PRRC2C: variants seen among roughly 807,000 people sequenced by gnomAD.
The protein encoded by PRRC2C is protein PRRC2C.
Under a neutral mutation model 317.2 loss-of-function variants are expected in PRRC2C, and 72 were observed. That is an observed-to-expected ratio of 0.23 (90% CI 0.19 to 0.28). The LOEUF (loss-of-function observed/expected upper bound fraction) is 0.28. PRRC2C is among the 10% of genes least tolerant of loss of function. The pLI, the probability that PRRC2C is intolerant of heterozygous loss-of-function variation, is 1.00. For missense variants in PRRC2C, 3,074 were observed against 3,459.7 expected (o/e 0.89, Z 2.80); for synonymous variants, 1,296 against 1,205.9 (o/e 1.07, Z -1.55).
intron 34 of PRRC2C, 184 bp from the exon 35 acceptor site, chr1:171,591,403 T>TAAAA: frequency 7.4e-6 from 3 of 404,266 alleles, no homozygotes; most frequent in Non-Finnish European, 1.2e-5. Context: ...TCACATGAAA[T>TAAAA]ATTTCAAAAA....
intron 24 of PRRC2C, 75 bp downstream of exon 24, chr1:171,571,496 G>T (rs919918243): frequency 3.7e-6 from 4 of 1,093,062 alleles, no homozygotes; most frequent in Admixed American, 1.9e-5. Flanking sequence ...TATTCGTGGG[G>T]TATTTTTACT....
In PRRC2C at chr1:171,579,886, A is replaced by G; in HGVS notation, c.7331A>G (p.Gln2444Arg). The change falls in exon 28 of 35, where the codon CAA becomes CGA. Residue 2444 changes from glutamine (Q) to arginine (R), a missense_variant. Coordinates refer to ENST00000647382, the MANE Select transcript of PRRC2C (RefSeq NM_001387844.1). ...TATGCACCACTGCAAGGGCAGCATCAAGCCCAACTGAGTTTGGGGGCTGGC... is the reference window on the plus strand; with the variant it reads ...TATGCACCACTGCAAGGGCAGCATCGAGCCCAACTGAGTTTGGGGGCTGGC... ...PIYAPLQGQH[Q>R]AQLSLGAGPA... 1 of 1,597,358 alleles carries G rather than the reference A, an allele frequency of 6.3e-7. No individual in the cohort carries two copies. The highest frequency in any genetic ancestry group is 8.5e-7 in the Non-Finnish European group (1 of 1,173,732).
chr1:171,518,048 G>C (rs1672709697), intron 6 of PRRC2C, among the ~76,000 whole-genome samples: 1 of 152,170 alleles, frequency 6.6e-6, no homozygotes, highest in Admixed American at 6.5e-5. Flanking sequence ...GTGTTTCTTA[G>C]CAGAAACACC....
At chr1:171,506,407 G>A (rs571631420) in intron 1 of PRRC2C, among the ~76,000 whole-genome samples, 1 of 152,214 alleles carries the variant, frequency 6.6e-6, no homozygotes, top group Admixed American at 6.5e-5. Flanking sequence ...CTTTGATTAT[G>A]ATGGGCTTTG....
intron 14 of PRRC2C, among the ~76,000 whole-genome samples, 195 bp from the exon 15 acceptor site, chr1:171,537,068 T>G (rs917251715): frequency 1.3e-5 from 2 of 152,192 alleles, no homozygotes; most frequent in African/African-American, 2.4e-5. Context: ...AATTTTTATT[T>G]AACAGCAGTA....
chr1:171,555,597 T>A (rs746778688), intron 18 of PRRC2C, among the ~76,000 whole-genome samples: 7 of 152,248 alleles, frequency 4.6e-5, no homozygotes, highest in Admixed American at 2.6e-4. Flanking sequence ...CCCAGCTTTG[T>A]GGTTTTATTT....
intron 16 of PRRC2C, 70 bp from the exon 17 acceptor site, chr1:171,545,409 T>C: frequency 7.7e-7 from 1 of 1,302,952 alleles, no homozygotes. Context: ...CTTTAGAAAC[T>C]GCCAATAAGA....
intron 32 of PRRC2C, 73 bp from the exon 33 acceptor site, chr1:171,588,306 C>T (rs937465581): frequency 1.4e-5 from 21 of 1,495,176 alleles, no homozygotes; most frequent in African/African-American, 7.1e-5. Flanking sequence ...ATACCAAGAA[C>T]GGTGTTTGCA....
intron 34 of PRRC2C, among the ~76,000 whole-genome samples, chr1:171,590,967 G>T (rs1165826910): frequency 6.6e-6 from 1 of 152,158 alleles, no homozygotes; most frequent in Non-Finnish European, 1.5e-5. Flanking sequence ...AAGAAGGATG[G>T]AAACTTAAGT....
At chr1:171,494,109 A>G (rs1219881733) in intron 1 of PRRC2C, among the ~76,000 whole-genome samples, 1 of 152,246 alleles carries the variant, frequency 6.6e-6, no homozygotes, top group East Asian at 1.9e-4. Flanking sequence ...AACAATTTTA[A>G]AATACATAAG....
intron 6 of PRRC2C, among the ~76,000 whole-genome samples, chr1:171,520,617 T>C (rs1183685685): frequency 2.6e-5 from 4 of 152,176 alleles, no homozygotes; most frequent in Non-Finnish European, 5.9e-5. Context: ...AGATGAAGGA[T>C]TTAATGCAAC....
intron 12 of PRRC2C, among the ~76,000 whole-genome samples, chr1:171,533,824 A>G (rs537976021): frequency 1.3e-5 from 2 of 152,158 alleles, no homozygotes; most frequent in South Asian, 2.1e-4. Context: ...GGGTTTCACT[A>G]TGTTGGCTAG....
At chr1:171,518,080 T>G (rs765846378) in intron 6 of PRRC2C, among the ~76,000 whole-genome samples, 22 of 152,224 alleles carry the variant, frequency 1.4e-4, no homozygotes, top group Non-Finnish European at 2.9e-4. Context: ...TTTGGTTAAG[T>G]GTAGTTGTAC....
intron 24 of PRRC2C, among the ~76,000 whole-genome samples, chr1:171,573,830 C>T (rs1685226302): frequency 6.6e-6 from 1 of 151,686 alleles, no homozygotes; most frequent in Non-Finnish European, 1.5e-5. Flanking sequence ...AGGCGCACAC[C>T]ACGCCCGGCT....
intron 24 of PRRC2C, among the ~76,000 whole-genome samples, chr1:171,573,187 T>G (rs1041990364): frequency 1.3e-5 from 2 of 152,176 alleles, no homozygotes; most frequent in Non-Finnish European, 2.9e-5. Flanking sequence ...TGGACATCAT[T>G]GACAAAATAT....
chr1:171,514,666 G>A lies in PRRC2C; in HGVS notation c.400+21G>A, dbSNP rs141300797. On this transcript the variant is annotated intron_variant, in intron 4 of 34. Transcript: ENST00000647382. ...AGATGGTAAGTGGACATTAGTTGGG[G>A]AAGCTGCCTAGGCTTGATAGTTACT... is the stretch of plus-strand genomic sequence containing the variant. 3,667 of 1,542,524 alleles carry A rather than the reference G, an allele frequency of 2.4e-3. 15 individuals are homozygous for A. The highest frequency in any genetic ancestry group is 6.5e-3 in the Middle Eastern group (39 of 5,970).
At position 171,588,389 on chromosome 1, in the gene PRRC2C, A is replaced by G; in HGVS notation, c.8083A>G (p.Thr2695Ala). The change falls in exon 33 of 35, where the codon ACA becomes GCA. Residue 2695 changes from threonine to alanine, a missense_variant. Physicochemically the swap from Thr to Ala is moderately conservative, Grantham distance 58 (BLOSUM62 0). Coordinates refer to ENST00000647382, the MANE Select transcript of PRRC2C (RefSeq NM_001387844.1). ...TGGCTTCTTTCCAAGGGCTACTTCT[A>G]CAAGTCCGAACAGCCAGTCCAGCAA... ...PTSSPFRATS[T>A]SPNSQSSKMN... 1 of 1,613,710 alleles carries G rather than the reference A, an allele frequency of 6.2e-7. No homozygotes were observed. Among genetic ancestry groups the G allele is most frequent in the Non-Finnish European group, 8.5e-7 (1 of 1,179,736 alleles).
intron 30 of PRRC2C, among the ~76,000 whole-genome samples, chr1:171,586,022 GA>G (rs1649829397): frequency 6.8e-6 from 1 of 147,280 alleles, no homozygotes; most frequent in Non-Finnish European, 1.5e-5. Context: ...CAGAAGTTCT[GA>G]CCTCACTTCG....
intron 15 of PRRC2C, 32 bp from the exon 16 acceptor site, chr1:171,539,939 T>C: frequency 6.5e-7 from 1 of 1,530,072 alleles, no homozygotes; most frequent in Non-Finnish European, 8.8e-7. Flanking sequence ...GATTGCTTTG[T>C]TGATTATACC....
Sources: allele counts gnomAD v4.1 joint callset (sites outside exome capture counted in the v4.1 genomes callset), GRCh38; gene constraint gnomAD v4.1.1; transcripts MANE v1.5; gene names NCBI Gene and HGNC (gene_info 2026-07-23, HGNC 2026-07-21).